The following NEMP2 variants were observed in gnomAD, a reference collection of about 807,000 sequenced individuals.
The protein encoded by NEMP2 is UPF0571 transmembrane protein.
Under a neutral mutation model 54.2 loss-of-function variants are expected in NEMP2, and 53 were observed. That is an observed-to-expected ratio of 0.98 (90% CI 0.78 to 1.23). The LOEUF (loss-of-function observed/expected upper bound fraction) is 1.23. Ranked by LOEUF, NEMP2 falls within the 50% of genes most tolerant of loss-of-function variation. The pLI is 0.00. For missense variants in NEMP2, 455 were observed against 511.3 expected (o/e 0.89, Z 1.06); for synonymous variants, 197 against 190.3 (o/e 1.04, Z -0.29).
chr2:190,425,362 C>T, the NEMP2 span, among the ~76,000 whole-genome samples: 1 of 152,132 alleles, frequency 6.6e-6, no homozygotes, highest in Non-Finnish European at 1.5e-5. This position sits in a 1 kb window ranked among gnomAD's most constrained non-coding sequence, Gnocchi z 4.3. Context: ...GAACTTCCAG[C>T]ATTGTGTTGC....
At chr2:190,542,511 C>A in the NEMP2 span, among the ~76,000 whole-genome samples, 1 of 152,172 alleles carries the variant, frequency 6.6e-6, no homozygotes, top group Non-Finnish European at 1.5e-5. This position sits in a 1 kb window ranked among gnomAD's most constrained non-coding sequence, Gnocchi z 4.6. Context: ...TGTGTCCAGC[C>A]CTGAGATTTG....
At chr2:190,603,878 A>AC in the NEMP2 span, among the ~76,000 whole-genome samples, 6 of 150,602 alleles carry the variant, frequency 4.0e-5, no homozygotes, top group African/African-American at 1.5e-4. Flanking sequence ...TACTCTTTAC[A>AC]CCCCCCACCT....
chr2:190,599,230 G>A, the NEMP2 span, among the ~76,000 whole-genome samples: 1 of 152,154 alleles, frequency 6.6e-6, no homozygotes, highest in Non-Finnish European at 1.5e-5. Context: ...ATAAAAGGCA[G>A]GCTAGATTTG....
chr2:190,492,804 C>T, the NEMP2 span, among the ~76,000 whole-genome samples: 1 of 152,000 alleles, frequency 6.6e-6, no homozygotes, highest in Non-Finnish European at 1.5e-5. The surrounding 1 kb of genome is among the most constrained non-coding windows in gnomAD (Gnocchi z 5.2). Flanking sequence ...GCCAGCACTC[C>T]AAGAACTACC....
chr2:190,510,112 TC>T lies in NEMP2; in HGVS notation c.1130+248del, dbSNP rs1690305199. 6.6e-6 allele frequency among the ~76,000 whole-genome samples: 1 copy of T among 152,144 alleles called. No individual in the cohort carries two copies. Among genetic ancestry groups the T allele is most frequent in the Non-Finnish European group, 1.5e-5 (1 of 68,032 alleles). ...GCAGGTCACACATCCTATTCCACCTTCCCTTCGCATAGGGAAGTTATCTTTA... is the reference window on the plus strand; with the variant it reads ...GCAGGTCACACATCCTATTCCACCTTCCTTCGCATAGGGAAGTTATCTTTA... On this transcript the variant is annotated intron_variant, in intron 8 of 8. Transcript: ENST00000409150. This position sits in a 1 kb window ranked among gnomAD's most constrained non-coding sequence, Gnocchi z 5.7.
upstream of NEMP2, among the ~76,000 whole-genome samples, chr2:190,536,167 G>A (rs1193767226): frequency 6.6e-6 from 1 of 152,074 alleles, no homozygotes; most frequent in Non-Finnish European, 1.5e-5. Flanking sequence ...ATATTTTTCC[G>A]GAGATAACAA....
upstream of NEMP2, among the ~76,000 whole-genome samples, chr2:190,536,621 G>C (rs1269279858): frequency 6.6e-6 from 1 of 152,176 alleles, no homozygotes; most frequent in East Asian, 1.9e-4. Context: ...CCAAGCACCA[G>C]TGACAACACC....
chr2:190,537,496 CAT>C (rs1248489616), upstream of NEMP2, among the ~76,000 whole-genome samples: 1 of 152,184 alleles, frequency 6.6e-6, no homozygotes, highest in African/African-American at 2.4e-5. Context: ...TGAAGAAGGA[CAT>C]GTTTGCTTCC....
the NEMP2 span, among the ~76,000 whole-genome samples, chr2:190,577,126 C>T: frequency 6.6e-6 from 1 of 151,710 alleles, no homozygotes; most frequent in South Asian, 2.1e-4. The surrounding 1 kb of genome is among the most constrained non-coding windows in gnomAD (Gnocchi z 4.8). Flanking sequence ...TAGATGACAG[C>T]GTTAGTGGGG....
the NEMP2 span, among the ~76,000 whole-genome samples, chr2:190,630,432 A>G: frequency 3.0e-3 from 456 of 152,074 alleles, 2 homozygotes; most frequent in African/African-American, 0.01. The surrounding 1 kb of genome is among the most constrained non-coding windows in gnomAD (Gnocchi z 5.5). Context: ...TGGCCAGGCT[A>G]GCCTCAAACT....
chr2:190,436,199 T>C, the NEMP2 span: 1 of 1,614,192 alleles, frequency 6.2e-7, no homozygotes, highest in Non-Finnish European at 8.5e-7. This position sits in a 1 kb window ranked among gnomAD's most constrained non-coding sequence, Gnocchi z 5.3. Context: ...ATAGACTGGA[T>C]AGAGAAACAT....
chr2:190,545,050 A>G, the NEMP2 span, among the ~76,000 whole-genome samples: 3 of 152,078 alleles, frequency 2.0e-5, no homozygotes. Context: ...ACAGTGAGCT[A>G]TGATTACGCC....
chr2:190,483,314 G>A, the NEMP2 span, among the ~76,000 whole-genome samples: 6 of 152,160 alleles, frequency 3.9e-5, no homozygotes, highest in East Asian at 1.9e-4. Flanking sequence ...AACATATAGT[G>A]TAATATTTAA....
the NEMP2 span, among the ~76,000 whole-genome samples, chr2:190,424,914 T>G: frequency 6.6e-6 from 1 of 152,224 alleles, no homozygotes; most frequent in African/African-American, 2.4e-5. The surrounding 1 kb of genome is among the most constrained non-coding windows in gnomAD (Gnocchi z 5.9). Context: ...CTTGTCTATA[T>G]CTACAAAAAT....
the NEMP2 span, among the ~76,000 whole-genome samples, chr2:190,431,445 G>A: frequency 1.3e-5 from 2 of 152,372 alleles, no homozygotes; most frequent in South Asian, 4.1e-4. The surrounding 1 kb of genome is among the most constrained non-coding windows in gnomAD (Gnocchi z 4.4). Context: ...GACTCCGTCT[G>A]CAATCCCGGC....
At chr2:190,517,276 T>A (rs1690594945) in intron 5 of NEMP2, among the ~76,000 whole-genome samples, 1 of 151,748 alleles carries the variant, frequency 6.6e-6, no homozygotes, top group African/African-American at 2.4e-5. Flanking sequence ...GAAAAACACA[T>A]TACCGAGAAA....
Position 190,513,011 on chromosome 2 carries a change from AGCCTTGGTCTCATG to A in NEMP2, c.953+1428_953+1441del, listed in dbSNP as rs1690423026. ...TGAACATTTATTCACTCCCTCTTCT[AGCCTTGGTCTCATG>A]GTCCTACCCTAGGCCCTCATCAGCT... On this transcript the variant is annotated intron_variant, in intron 7 of 8. Coordinates refer to ENST00000409150, the MANE Select transcript of NEMP2 (RefSeq NM_001142645.2). This position sits in a 1 kb window ranked among gnomAD's most constrained non-coding sequence, Gnocchi z 5.3. 6.6e-6 allele frequency among the ~76,000 whole-genome samples: 1 copy of A among 152,028 alleles called. No homozygotes were observed. The highest frequency in any genetic ancestry group is 1.5e-5 in the Non-Finnish European group (1 of 67,998).
chr2:190,434,580 C>T, the NEMP2 span, among the ~76,000 whole-genome samples: 122 of 152,252 alleles, frequency 8.0e-4, no homozygotes, highest in African/African-American at 2.7e-3. This position sits in a 1 kb window ranked among gnomAD's most constrained non-coding sequence, Gnocchi z 4.3. Flanking sequence ...GGACTACATG[C>T]GTGCCACCAG....
the NEMP2 span, among the ~76,000 whole-genome samples, chr2:190,643,602 A>G: frequency 1.2e-4 from 18 of 152,350 alleles, no homozygotes; most frequent in African/African-American, 3.8e-4. Context: ...CGAGGATCAG[A>G]TGAATTAATA....
Sources: allele counts gnomAD v4.1 joint callset (sites outside exome capture counted in the v4.1 genomes callset), GRCh38; gene constraint gnomAD v4.1.1; non-coding constraint Gnocchi (gnomAD v3.1); transcripts MANE v1.5; gene names NCBI Gene and HGNC (gene_info 2026-07-23, HGNC 2026-07-21).